Variants in LHX5 observed in about 807,000 individuals in gnomAD.
LHX5 encodes LIM homeobox 5, also known as LIM/homeobox protein Lhx5.
In LHX5, 5 loss-of-function variants were observed where a neutral mutation model predicts 30.6. That is an observed-to-expected ratio of 0.16 (90% CI 0.09 to 0.34). The LOEUF (loss-of-function observed/expected upper bound fraction) is 0.34, where lower values mean the gene tolerates loss of function less well. Among genes scored for constraint, LHX5 ranks in the 10% least tolerant of loss-of-function variants. The pLI is 1.00. For missense variants in LHX5, 458 were observed against 570.6 expected, an observed-to-expected ratio of 0.80 and a Z score of 2.01; for synonymous variants, 266 against 252.6, an observed-to-expected ratio of 1.05 and a Z score of -0.50.
In LHX5 at chr12:113,465,728, A is replaced by G. The variant is rs1189678350; in HGVS notation, c.841+1528T>C. On this transcript the variant is annotated intron_variant, in intron 4 of 4. Transcript: ENST00000261731. This position sits in a 1 kb window ranked among gnomAD's most constrained non-coding sequence, Gnocchi z 6.7. ...AGGCGGGGAAAAATTCCGGGCCGGTACCGCCCCCACTACCTCGCTGCTCCG... is the reference window on the plus strand; with the variant it reads ...AGGCGGGGAAAAATTCCGGGCCGGTGCCGCCCCCACTACCTCGCTGCTCCG... Among the ~76,000 whole-genome samples, 1 of 152,232 alleles carries G rather than the reference A, an allele frequency of 6.6e-6. No individual in the cohort carries two copies. The highest frequency in any genetic ancestry group is 1.5e-5 in the Non-Finnish European group (1 of 68,030).
At position 113,462,985 on chromosome 12, in the gene LHX5, C is replaced by G. The variant is rs1958184197; in HGVS notation, c.*205G>C. The G allele has an allele frequency of 1.9e-6, 1 of 528,380 alleles. No homozygotes were observed. The highest frequency in any genetic ancestry group is 2.1e-5 in the African/African-American group (1 of 48,768). 32.7% of individuals were successfully genotyped at this position (528,380 alleles called of 1,614,324 possible). ...GAGTACTGGCGGTGGGCTGAGGCTC[C>G]TGGAGAGCCCGCGGGGTGGAGATGG... On this transcript the variant is annotated 3_prime_UTR_variant, in exon 5 of 5. Coordinates refer to ENST00000261731, the MANE Select transcript of LHX5 (RefSeq NM_022363.3).
rs1958197898 is a variant in LHX5, at chr12:113,464,248, A to G, written c.842-691T>C. Among the ~76,000 whole-genome samples the G allele has an allele frequency of 6.6e-6, 1 of 152,230 alleles. No homozygotes were observed. Among genetic ancestry groups the G allele is most frequent in the Non-Finnish European group, 1.5e-5 (1 of 68,036 alleles). Reference sequence around the variant, plus strand: ...CAGAGAACGCAAGACGGTGGATCAGAGATGAGTCCCAGGAACCTCCAGAGA... The same window carrying G: ...CAGAGAACGCAAGACGGTGGATCAGGGATGAGTCCCAGGAACCTCCAGAGA... On this transcript the variant is annotated intron_variant, in intron 4 of 4. Coordinates refer to ENST00000261731, the MANE Select transcript of LHX5 (RefSeq NM_022363.3). This position sits in a 1 kb window ranked among gnomAD's most constrained non-coding sequence, Gnocchi z 6.2.
chr12:113,466,629 A>C lies in LHX5; in HGVS notation c.841+627T>G, dbSNP rs1213664690. ...AGCAACTGCCGGCATTTGGGCTAACACTGCCAGATGCTGTGCGCACACACC... is the reference window on the plus strand; with the variant it reads ...AGCAACTGCCGGCATTTGGGCTAACCCTGCCAGATGCTGTGCGCACACACC... On this transcript the variant is annotated intron_variant, in intron 4 of 4. Coordinates refer to ENST00000261731, the MANE Select transcript of LHX5 (RefSeq NM_022363.3). This position sits in a 1 kb window ranked among gnomAD's most constrained non-coding sequence, Gnocchi z 6.5. Among the ~76,000 whole-genome samples the C allele has an allele frequency of 6.6e-6, 1 of 152,168 alleles. No homozygotes were observed. The highest frequency in any genetic ancestry group is 1.9e-4 in the East Asian group (1 of 5,196).
chr12:113,471,305 C>A, intron 1 of LHX5, 21 bp downstream of exon 1: 1 of 1,611,500 alleles, frequency 6.2e-7, no homozygotes, highest in Non-Finnish European at 8.5e-7. Context: ...GCGCAGGCAG[C>A]AGAGCGGCGC....
In LHX5 at chr12:113,467,220, C is replaced by T. The variant is rs1369960753; in HGVS notation, c.841+36G>A. ...TTCGCCCTCAGCTCCCGGAATAGGA[C>T]AGGTGCGGAACAGCGAATCCCGGGG... is the stretch of plus-strand genomic sequence containing the variant. On this transcript the variant is annotated intron_variant, in intron 4 of 4. Transcript: ENST00000261731. This position sits in a 1 kb window ranked among gnomAD's most constrained non-coding sequence, Gnocchi z 6.3. 7.1e-7 allele frequency: 1 copy of T among 1,401,936 alleles called. No individual in the cohort carries two copies. Among genetic ancestry groups the T allele is most frequent in the African/African-American group, 1.5e-5 (1 of 68,418 alleles). 86.8% of individuals were successfully genotyped at this position (1,401,936 alleles called of 1,614,324 possible).
chr12:113,471,507 G>A lies in LHX5; in HGVS notation c.-9C>T. 1 of 1,580,970 alleles carries A rather than the reference G, an allele frequency of 6.3e-7. No homozygotes were observed. The highest frequency in any genetic ancestry group is 8.6e-7 in the Non-Finnish European group (1 of 1,163,594). ...GCGCAGTGCACCATCATAGCCCCGC[G>A]CCCCGGCGGCTTCGGCCGCCTTGCC... is the stretch of plus-strand genomic sequence containing the variant. On this transcript the variant is annotated 5_prime_UTR_variant, in exon 1 of 5. Transcript: ENST00000261731.
At position 113,463,781 on chromosome 12, in the gene LHX5, A is replaced by G. The variant is rs1958194199; in HGVS notation, c.842-224T>C. ...AGACAATGAGAGATCTCGAAAGGGCAAGAGACTCAGACTGCCAGAGACCAC... is the reference window on the plus strand; with the variant it reads ...AGACAATGAGAGATCTCGAAAGGGCGAGAGACTCAGACTGCCAGAGACCAC... On this transcript the variant is annotated intron_variant, in intron 4 of 4. Coordinates refer to ENST00000261731, the MANE Select transcript of LHX5 (RefSeq NM_022363.3). This position sits in a 1 kb window ranked among gnomAD's most constrained non-coding sequence, Gnocchi z 6.7. Among the ~76,000 whole-genome samples, 1 of 152,140 alleles carries G rather than the reference A, an allele frequency of 6.6e-6. No individual in the cohort carries two copies. Among genetic ancestry groups the G allele is most frequent in the Non-Finnish European group, 1.5e-5 (1 of 68,016 alleles).
rs770937888 is a variant in LHX5 at position 113,463,640 on chromosome 12, C to A, written c.842-83G>T. The A allele has an allele frequency of 1.4e-6, 2 of 1,402,760 alleles. No homozygotes were observed. The highest frequency in any genetic ancestry group is 1.5e-5 in the African/African-American group (1 of 67,596). The allele number at this position is 1,402,760 out of a possible 1,614,324, so 86.9% of individuals were successfully genotyped here. A position where few individuals can be genotyped will look rare whatever the true frequency, so the allele number is the denominator to read the frequency against. ...GGGACCCGGGACCCGGGGAGGGGACCCGGGCGGGCGAGAGAGGGGAGCGCG... is the reference window on the plus strand; with the variant it reads ...GGGACCCGGGACCCGGGGAGGGGACACGGGCGGGCGAGAGAGGGGAGCGCG... On this transcript the variant is annotated intron_variant, in intron 4 of 4. Transcript: ENST00000261731. This position sits in a 1 kb window ranked among gnomAD's most constrained non-coding sequence, Gnocchi z 6.7.
At position 113,464,947 on chromosome 12, in the gene LHX5, G is replaced by T. The variant is rs1341204144; in HGVS notation, c.842-1390C>A. Among the ~76,000 whole-genome samples, 6 of 152,128 alleles carry T rather than the reference G, an allele frequency of 3.9e-5. No individual in the cohort carries two copies. Among genetic ancestry groups the T allele is most frequent in the Non-Finnish European group, 7.3e-5 (5 of 68,028 alleles). On this transcript the variant is annotated intron_variant, in intron 4 of 4. Transcript: ENST00000261731. This position sits in a 1 kb window ranked among gnomAD's most constrained non-coding sequence, Gnocchi z 6.2. ...AGGTGGGGCCCTGAAGGACTGACGT[G>T]GGGGACGTCACGAAAGGACCACCTT...
intron 1 of LHX5, among the ~76,000 whole-genome samples, chr12:113,470,762 C>T (rs1461660641): frequency 6.6e-6 from 1 of 152,124 alleles, no homozygotes; most frequent in Non-Finnish European, 1.5e-5. Context: ...TTCTCAGCCT[C>T]GATTTCGTTT....
Position 113,471,556 on chromosome 12 carries a change from G to A in LHX5, c.-58C>T, listed in dbSNP as rs926981495. 6.1e-6 allele frequency: 9 copies of A among 1,473,196 alleles called. No homozygotes were observed. In the African/African-American group the frequency reaches 1.3e-4, roughly 21 times the overall value. The allele number at this position is 1,473,196 out of a possible 1,614,324, so 91.3% of individuals were successfully genotyped here. A position where few individuals can be genotyped will look rare whatever the true frequency, so the allele number is the denominator to read the frequency against. On this transcript the variant is annotated 5_prime_UTR_variant, in exon 1 of 5. Transcript: ENST00000261731. ...CCCTCCCTTTGGGCCCCTGGCCCTCGGGCCTGCCGGGCCCTCCGCTGCCCT... is the reference window on the plus strand; with the variant it reads ...CCCTCCCTTTGGGCCCCTGGCCCTCAGGCCTGCCGGGCCCTCCGCTGCCCT...
chr12:113,467,334 G>A lies in LHX5; in HGVS notation c.763C>T (p.Pro255Ser), dbSNP rs1241941402. Residue 255 changes from proline (P) to serine (S), a missense_variant, in exon 4 of 5, where the codon CCG becomes TCG. Physicochemically the swap from Pro to Ser is moderately conservative, Grantham distance 74. Around this residue, in one of 3 missense-constraint regions of LHX5, gnomAD observed 255 missense variants for 246.8 expected, o/e 1.03. Coordinates refer to ENST00000261731, the MANE Select transcript of LHX5 (RefSeq NM_022363.3). The surrounding 1 kb of genome is among the most constrained non-coding windows in gnomAD (Gnocchi z 6.3). ...CCGCCCAGCGGACGCATGCGCCGCGGACTCCGGAAGAAGGCGTGCCTCCGG... is the reference window on the plus strand; with the variant it reads ...CCGCCCAGCGGACGCATGCGCCGCGAACTCCGGAAGAAGGCGTGCCTCCGG... Reference protein sequence around the residue: ...GARRHAFFRSPRRMRPLGGRL... With the variant: ...GARRHAFFRSSRRMRPLGGRL... The A allele has an allele frequency of 1.9e-6, 3 of 1,584,942 alleles. No homozygotes were observed. The highest frequency in any genetic ancestry group is 2.6e-6 in the Non-Finnish European group (3 of 1,162,738).
rs925521391 is a variant in LHX5 at position 113,466,600 on chromosome 12, C to G, written c.841+656G>C. On this transcript the variant is annotated intron_variant, in intron 4 of 4. Transcript: ENST00000261731. The surrounding 1 kb of genome is among the most constrained non-coding windows in gnomAD (Gnocchi z 6.5). ...GCTGGAGGGTGGACTACAGTCCTGC[C>G]CAGAGCAACTGCCGGCATTTGGGCT... Among the ~76,000 whole-genome samples the G allele has an allele frequency of 1.3e-5, 2 of 152,186 alleles. No individual in the cohort carries two copies. The highest frequency in any genetic ancestry group is 2.9e-5 in the Non-Finnish European group (2 of 68,038).
At chr12:113,468,970 C>T (rs909619057) in intron 2 of LHX5, 152 bp downstream of exon 2, 2 of 625,990 alleles carry the variant, frequency 3.2e-6, no homozygotes, top group African/African-American at 3.7e-5. Context: ...TCTCTAGCCT[C>T]TAACCCCCTT....
rs1958211144 is a variant in LHX5 at position 113,465,748 on chromosome 12, G to A, written c.841+1508C>T. On this transcript the variant is annotated intron_variant, in intron 4 of 4. Coordinates refer to ENST00000261731, the MANE Select transcript of LHX5 (RefSeq NM_022363.3). This position sits in a 1 kb window ranked among gnomAD's most constrained non-coding sequence, Gnocchi z 6.7. ...CCGGTACCGCCCCCACTACCTCGCT[G>A]CTCCGGGCCCAGATTTTGTAGGGAA... Among the ~76,000 whole-genome samples, 1 of 152,236 alleles carries A rather than the reference G, an allele frequency of 6.6e-6. No homozygotes were observed. Among genetic ancestry groups the A allele is most frequent in the African/African-American group, 2.4e-5 (1 of 41,466 alleles).
Position 113,468,113 on chromosome 12 carries a change from GC to G in LHX5, c.675+13del. The G allele has an allele frequency of 6.5e-7, 1 of 1,531,022 alleles. No homozygotes were observed. Among genetic ancestry groups the G allele is most frequent in the South Asian group, 1.2e-5 (1 of 80,566 alleles). 94.8% of individuals were successfully genotyped at this position (1,531,022 alleles called of 1,614,324 possible). A position where few individuals can be genotyped will look rare whatever the true frequency, so the allele number is the denominator to read the frequency against. ...CCAGCGGGGCTAAGGAGCTGTGCCC[GC>G]CCCGGGCCGCACCTGGATGACGCGC... is the stretch of plus-strand genomic sequence containing the variant. On this transcript the variant is annotated intron_variant, in intron 3 of 4. Coordinates refer to ENST00000261731, the MANE Select transcript of LHX5 (RefSeq NM_022363.3).
intron 2 of LHX5, 63 bp from the exon 3 acceptor site, chr12:113,468,467 C>G (rs888628236): frequency 1.8e-5 from 27 of 1,514,812 alleles, no homozygotes; most frequent in Non-Finnish European, 2.3e-5. Context: ...CCTCTTCAGT[C>G]CAGTGGCGGG....
rs1178056210 is a variant in LHX5 at position 113,466,045 on chromosome 12, T to A, written c.841+1211A>T. ...TAATCCCCCCTCAGGCTTCCGGATG[T>A]GCTGAGGTTAGTGATGGGGTTATCT... is the stretch of plus-strand genomic sequence containing the variant. On this transcript the variant is annotated intron_variant, in intron 4 of 4. Coordinates refer to ENST00000261731, the MANE Select transcript of LHX5 (RefSeq NM_022363.3). The surrounding 1 kb of genome is among the most constrained non-coding windows in gnomAD (Gnocchi z 6.5). 1.3e-5 allele frequency among the ~76,000 whole-genome samples: 2 copies of A among 152,214 alleles called. No individual in the cohort carries two copies. Among genetic ancestry groups the A allele is most frequent in the African/African-American group, 4.8e-5 (2 of 41,458 alleles).
intron 2 of LHX5, 26 bp from the exon 3 acceptor site, chr12:113,468,430 G>A (rs1317570451): frequency 6.3e-7 from 1 of 1,587,458 alleles, no homozygotes; most frequent in African/African-American, 1.3e-5. Flanking sequence ...TCGGGAAGGG[G>A]ACAGCGGCGT....
Sources: gnomAD v4.1 joint callset for allele counts (sites outside exome capture counted in the v4.1 genomes callset) on GRCh38, gnomAD v4.1.1 for gene constraint, gnomAD v4.1.1 regional missense constraint, Gnocchi (gnomAD v3.1) non-coding constraint, MANE v1.5 for transcripts, NCBI Gene and HGNC (gene_info 2026-07-23, HGNC 2026-07-21) for gene names.